Variants in MARK1 observed in about 807,000 individuals in gnomAD.
MARK1 encodes serine/threonine-protein kinase MARK1.
A neutral mutation model predicts 96.3 loss-of-function variants in MARK1; 40 were observed. That is an observed-to-expected ratio of 0.42 (90% confidence interval 0.32 to 0.54). The LOEUF is 0.54. Among genes scored for constraint, MARK1 ranks in the 20% least tolerant of loss-of-function variants. MARK1 has a pLI of 0.16. For missense variants in MARK1, 719 were observed against 984.6 expected, an observed-to-expected ratio of 0.73 and a Z score of 3.61; for synonymous variants, 317 against 341.2, an observed-to-expected ratio of 0.93 and a Z score of 0.78.
rs1428027549 is a variant in MARK1, at chr1:220,537,531, A to G, written c.51+8658A>G. The stretch of plus-strand genomic sequence containing the variant: ...GTTCCAAGTCTTTGCTGTTGTGAAT[A>G]GTGCCGCAATAAACATACGTGTGCA... On this transcript the variant is annotated intron_variant, in intron 1 of 17. Transcript: ENST00000366917. 2.0e-5 allele frequency among the ~76,000 whole-genome samples: 3 copies of G among 149,564 alleles called. No individual in the cohort carries two copies. The Admixed American group carries it at 2.0e-4, about 10-fold the overall frequency.
chr1:220,606,611 C>T (rs1222884373), intron 6 of MARK1, among the ~76,000 whole-genome samples: 2 of 152,122 alleles, frequency 1.3e-5, no homozygotes, highest in African/African-American at 4.8e-5. Context: ...ATGCCTATGT[C>T]CTTAATGGTA....
intron 1 of MARK1, 22 bp downstream of exon 1, chr1:220,528,895 C>G (rs368999322): frequency 1.9e-6 from 3 of 1,555,730 alleles, no homozygotes; most frequent in Non-Finnish European, 1.7e-6. Flanking sequence ...GAGCCTCCCT[C>G]GGGAGCAGTG....
At chr1:220,577,426 G>A (rs1398934880) in intron 1 of MARK1, among the ~76,000 whole-genome samples, 1 of 152,202 alleles carries the variant, frequency 6.6e-6, no homozygotes, top group African/African-American at 2.4e-5. Context: ...TTCTACCCAG[G>A]TAATAGAAGA....
intron 9 of MARK1, chr1:220,625,672 C>G (rs144904823): frequency 3.1e-6 from 1 of 318,512 alleles, no homozygotes; most frequent in East Asian, 7.7e-5. Context: ...GTACTCTTCA[C>G]TTACCATTCC....
At chr1:220,635,800 C>T in intron 12 of MARK1, 33 bp from the exon 13 acceptor site, 2 of 1,490,032 alleles carry the variant, frequency 1.3e-6, no homozygotes, top group Non-Finnish European at 9.0e-7. Context: ...AGTTGTTTTT[C>T]AGCTCATTAT....
intron 1 of MARK1, among the ~76,000 whole-genome samples, chr1:220,541,504 G>A (rs186797401): frequency 1.3e-5 from 2 of 152,198 alleles, no homozygotes; most frequent in East Asian, 1.9e-4. Context: ...TATCATTATC[G>A]AATGTAGGGT....
At position 220,598,399 on chromosome 1, in the gene MARK1, T is replaced by A. The variant is rs747646993; in HGVS notation, c.358+20T>A. The A allele has an allele frequency of 9.3e-5, 11 of 118,014 alleles. No homozygotes were observed. The highest frequency in any genetic ancestry group is 3.8e-3 in the Middle Eastern group (1 of 266). The allele number at this position is 118,014 out of a possible 1,614,324, so 7.3% of individuals were successfully genotyped here. ...ATATAGGTATGAAATATATATATAT[T>A]ATATATATATATATATATAATTAGC... On this transcript the variant is annotated intron_variant, in intron 4 of 17. Transcript: ENST00000366917.
At chr1:220,574,288 A>G (rs6669644) in intron 1 of MARK1, among the ~76,000 whole-genome samples, 2,360 of 152,354 alleles carry the variant, frequency 0.015, 34 homozygotes, top group Middle Eastern at 0.044. Context: ...CTACTTTATT[A>G]TCTTACACTT....
chr1:220,626,836 G>A (rs543850321), intron 9 of MARK1: 9 of 386,288 alleles, frequency 2.3e-5, no homozygotes, highest in South Asian at 2.0e-4. Context: ...AAAAAAAAAG[G>A]GTTGAGGGGG....
chr1:220,636,203 G>T (rs1017575307), intron 13 of MARK1, among the ~76,000 whole-genome samples, 177 bp downstream of exon 13: 4 of 152,202 alleles, frequency 2.6e-5, no homozygotes, highest in Non-Finnish European at 2.9e-5. Context: ...CAACAAAAAA[G>T]AATTCTTTTT....
chr1:220,618,803 T>C lies in MARK1; in HGVS notation c.909+48T>C. ...AATTTAAATTTTAACAATTAAAATA[T>C]TCCAGGAACCGAAGAGCATTTTTCT... On this transcript the variant is annotated intron_variant, in intron 9 of 17. Transcript: ENST00000366917. The surrounding 1 kb of genome is among the most constrained non-coding windows in gnomAD (Gnocchi z 4.6). 1 of 1,490,898 alleles carries C rather than the reference T, an allele frequency of 6.7e-7. No individual in the cohort carries two copies. Among genetic ancestry groups the C allele is most frequent in the Non-Finnish European group, 9.0e-7 (1 of 1,107,220 alleles). The allele number at this position is 1,490,898 out of a possible 1,614,324, so 92.4% of individuals were successfully genotyped here.
chr1:220,615,441 TATTGCTAAATACCTC>T (rs1266405239), intron 6 of MARK1, among the ~76,000 whole-genome samples: 3 of 152,192 alleles, frequency 2.0e-5, no homozygotes, highest in Admixed American at 6.5e-5. Context: ...TAAATATAGA[TATTGCTAAATACCTC>T]ATTGTTAAGT....
intron 1 of MARK1, among the ~76,000 whole-genome samples, chr1:220,539,031 T>C (rs1246999359): frequency 3.9e-5 from 6 of 152,158 alleles, no homozygotes; most frequent in Admixed American, 3.9e-4. Context: ...CAATTTGACT[T>C]CCTCTTTTCC....
At chr1:220,558,109 G>A (rs1662407400) in intron 1 of MARK1, among the ~76,000 whole-genome samples, 1 of 148,788 alleles carries the variant, frequency 6.7e-6, no homozygotes, top group South Asian at 2.1e-4. Flanking sequence ...CTCCAGCCTG[G>A]GCAACAGAGT....
chr1:220,581,983 A>G (rs533555805), intron 3 of MARK1, among the ~76,000 whole-genome samples: 1 of 152,362 alleles, frequency 6.6e-6, no homozygotes, highest in East Asian at 1.9e-4. Context: ...CCATTGTCAC[A>G]TATGTAATTT....
At chr1:220,657,543 G>GA (rs371549214) in intron 16 of MARK1, among the ~76,000 whole-genome samples, 2 of 151,436 alleles carry the variant, frequency 1.3e-5, no homozygotes, top group African/African-American at 2.4e-5. Context: ...GGAAGATTAT[G>GA]AAAAAAAAAT....
intron 1 of MARK1, chr1:220,571,592 T>G (rs1663459099): frequency 6.6e-6 from 1 of 152,212 alleles, no homozygotes; most frequent in Admixed American, 6.5e-5. Flanking sequence ...GCGTACCAGC[T>G]CAGAGAAATA....
intron 16 of MARK1, among the ~76,000 whole-genome samples, chr1:220,656,744 A>G (rs1345829621): frequency 6.6e-6 from 1 of 152,232 alleles, no homozygotes; most frequent in Non-Finnish European, 1.5e-5. Context: ...TTACATTTGA[A>G]TGTGAGAATA....
intron 9 of MARK1, among the ~76,000 whole-genome samples, chr1:220,630,108 C>G (rs1269172691): frequency 6.6e-6 from 1 of 152,126 alleles, no homozygotes; most frequent in African/African-American, 2.4e-5. Flanking sequence ...CTCACCAACA[C>G]TTGTTTCTTG....
Sources: gnomAD v4.1 joint callset for allele counts (sites outside exome capture counted in the v4.1 genomes callset) on GRCh38, gnomAD v4.1.1 for gene constraint, Gnocchi (gnomAD v3.1) non-coding constraint, MANE v1.5 for transcripts, NCBI Gene and HGNC (gene_info 2026-07-23, HGNC 2026-07-21) for gene names.